The following NINL variants were observed in gnomAD, a reference collection of about 807,000 sequenced individuals.
NINL encodes the protein ninein like, also known as ninein-like protein.
A neutral mutation model predicts 160.3 loss-of-function variants in NINL; 153 were observed. The observed-to-expected ratio is 0.95, with a 90% confidence interval of 0.84 to 1.09. NINL has a LOEUF of 1.09. NINL is among the 50% of genes least tolerant of loss of function. The probability of loss-of-function intolerance (pLI) is 0.00; values close to 1 mark genes in which losing one functional copy is unlikely to be tolerated. For synonymous variants in NINL, 800 were observed against 734.8 expected (o/e 1.09, Z -1.43); for missense variants, 1,829 against 1,764.0 (o/e 1.04, Z -0.66).
chr20:25,544,607 C>T (rs1413506126), intron 1 of NINL, among the ~76,000 whole-genome samples: 1 of 152,176 alleles, frequency 6.6e-6, no homozygotes, highest in East Asian at 1.9e-4. Context: ...ATGCACGGGT[C>T]CTTGTGAGAA....
chr20:25,516,358 T>G (rs2064159671), intron 3 of NINL, among the ~76,000 whole-genome samples: 1 of 151,864 alleles, frequency 6.6e-6, no homozygotes, highest in East Asian at 1.9e-4. Flanking sequence ...ACTTTAAAAT[T>G]CTAATTGGAA....
intron 1 of NINL, among the ~76,000 whole-genome samples, chr20:25,543,958 A>C (rs903665346): frequency 1.6e-4 from 21 of 129,562 alleles, no homozygotes; most frequent in African/African-American, 7.5e-4. Flanking sequence ...CGCCTGGCCT[A>C]ATTTTTATAT....
chr20:25,578,966 C>A (rs1308462913), intron 1 of NINL, among the ~76,000 whole-genome samples: 2 of 152,058 alleles, frequency 1.3e-5, no homozygotes, highest in South Asian at 4.1e-4. Context: ...CACAGTGAAA[C>A]CCTGTCTCTA....
At chr20:25,493,940 C>T (rs1225613429) in intron 10 of NINL, among the ~76,000 whole-genome samples, 1 of 152,098 alleles carries the variant, frequency 6.6e-6, no homozygotes, top group Non-Finnish European at 1.5e-5. Context: ...TTAAAGGAGA[C>T]TTGACTTTTA....
intron 22 of NINL, among the ~76,000 whole-genome samples, chr20:25,457,588 T>C (rs988639277): frequency 8.0e-6 from 1 of 125,494 alleles, no homozygotes; most frequent in African/African-American, 2.6e-5. Flanking sequence ...TTGTTCTTCA[T>C]TAGAACTTAC....
At chr20:25,562,962 T>TC (rs1182144929) in intron 1 of NINL, among the ~76,000 whole-genome samples, 4 of 152,048 alleles carry the variant, frequency 2.6e-5, no homozygotes, top group Admixed American at 6.6e-5. Flanking sequence ...GGTCAGGAGA[T>TC]GAGACCATCC....
At chr20:25,458,867 CA>C (rs2090763359) in intron 21 of NINL, 1 of 274,802 alleles carries the variant, frequency 3.6e-6, no homozygotes, top group African/African-American at 2.2e-5. Context: ...AAACAACGAC[CA>C]CGCCAGTTCT....
chr20:25,477,347 C>T (rs991275405), intron 16 of NINL, among the ~76,000 whole-genome samples: 1 of 152,240 alleles, frequency 6.6e-6, no homozygotes, highest in African/African-American at 2.4e-5. Context: ...GGAGTGTTCA[C>T]ATGGAAGATG....
chr20:25,511,603 C>T (rs1292930325), intron 4 of NINL, among the ~76,000 whole-genome samples: 4 of 152,122 alleles, frequency 2.6e-5, no homozygotes, highest in South Asian at 2.1e-4. Context: ...ACCCTAAAGG[C>T]GGCTTTCCCC....
intron 13 of NINL, among the ~76,000 whole-genome samples, chr20:25,484,633 G>A (rs1282039883): frequency 6.6e-6 from 1 of 152,228 alleles, no homozygotes; most frequent in African/African-American, 2.4e-5. Context: ...GTCCATACCA[G>A]TGATTGGTAC....
intron 18 of NINL, among the ~76,000 whole-genome samples, chr20:25,468,440 A>C (rs1601022366): frequency 2.6e-5 from 3 of 115,602 alleles, no homozygotes; most frequent in African/African-American, 1.0e-4. Flanking sequence ...CCTGACTCTC[A>C]CTGGTGGGCA....
chr20:25,460,667 C>T (rs1174586856), intron 21 of NINL, among the ~76,000 whole-genome samples: 1 of 152,174 alleles, frequency 6.6e-6, no homozygotes, highest in Non-Finnish European at 1.5e-5. Flanking sequence ...CTATGGGAGC[C>T]CCAACAGCGC....
intron 7 of NINL, 54 bp downstream of exon 7, chr20:25,503,898 C>G: frequency 2.5e-6 from 4 of 1,608,686 alleles, no homozygotes; most frequent in Non-Finnish European, 2.6e-6. Flanking sequence ...GTTTTAGTCA[C>G]CAGAGAGTGA....
intron 2 of NINL, among the ~76,000 whole-genome samples, chr20:25,524,923 A>ATATATG (rs67806805): frequency 2.2e-5 from 3 of 133,494 alleles, no homozygotes; most frequent in Middle Eastern, 3.9e-3. Context: ...ATATATATAT[A>ATATATG]TGTGTGTGTA....
chr20:25,491,555 C>T, intron 10 of NINL, 30 bp from the exon 11 acceptor site: 3 of 1,602,906 alleles, frequency 1.9e-6, no homozygotes, highest in Admixed American at 1.7e-5. Context: ...ACACGTCAGA[C>T]ATGTCATGTC....
At chr20:25,464,417 A>AAAAC (rs71312677) in intron 19 of NINL, among the ~76,000 whole-genome samples, 20,923 of 151,518 alleles carry the variant, frequency 0.14, 1,730 homozygotes, top group East Asian at 0.34. Flanking sequence ...ACTCCATCTC[A>AAAAC]AAACAAACAA....
intron 1 of NINL, among the ~76,000 whole-genome samples, chr20:25,570,133 T>C (rs980272802): frequency 6.6e-6 from 1 of 152,098 alleles, no homozygotes; most frequent in African/African-American, 2.4e-5. Flanking sequence ...TGAGCTGAGA[T>C]TGGGCCATTG....
At chr20:25,562,813 G>C (rs1474817901) in intron 1 of NINL, among the ~76,000 whole-genome samples, 1 of 152,032 alleles carries the variant, frequency 6.6e-6, no homozygotes, top group Non-Finnish European at 1.5e-5. Context: ...TCTTCAGACA[G>C]AAGGGAAGTA....
chr20:25,501,118 G>A, intron 7 of NINL, 108 bp from the exon 8 acceptor site: 1 of 1,405,504 alleles, frequency 7.1e-7, no homozygotes, highest in South Asian at 1.4e-5. Context: ...GGCCTCACAG[G>A]AACAGCTCAT....
Sources: gnomAD v4.1 joint callset for allele counts (sites outside exome capture counted in the v4.1 genomes callset) on GRCh38, gnomAD v4.1.1 for gene constraint, MANE v1.5 for transcripts, NCBI Gene and HGNC (gene_info 2026-07-23, HGNC 2026-07-21) for gene names.